TMEM217B: variants seen among roughly 807,000 people sequenced by gnomAD.
TMEM217B encodes the protein transmembrane protein 217B, also known as putative transmembrane protein 217B.
chr6:37,213,619 T>G, the TMEM217B span, among the ~76,000 whole-genome samples: 3 of 152,190 alleles, frequency 2.0e-5, no homozygotes, highest in Admixed American at 2.0e-4. Flanking sequence ...ATTGTGCAGG[T>G]GAAGGCCCAG....
chr6:37,257,789 C>G, the TMEM217B span: 1 of 1,008,600 alleles, frequency 9.9e-7, no homozygotes, highest in Non-Finnish European at 1.5e-6. Flanking sequence ...AGATGGCGTC[C>G]CCAGGAGCTG....
At chr6:37,222,792 C>G in the TMEM217B span, among the ~76,000 whole-genome samples, 2 of 152,222 alleles carry the variant, frequency 1.3e-5, no homozygotes, top group Admixed American at 6.5e-5. Flanking sequence ...CAGTAGCACC[C>G]GGTGAGTTCC....
chr6:37,218,196 G>A, the TMEM217B span: 1 of 1,251,536 alleles, frequency 8.0e-7, no homozygotes, highest in Non-Finnish European at 1.0e-6. Flanking sequence ...GGGGGACAGA[G>A]TCTTACTCTG....
chr6:37,254,174 G>A, the TMEM217B span, among the ~76,000 whole-genome samples: 1 of 152,148 alleles, frequency 6.6e-6, no homozygotes, highest in Non-Finnish European at 1.5e-5. Context: ...TGAGTTGTAG[G>A]CTCCACCTCA....
At chr6:37,257,369 G>A in the TMEM217B span, among the ~76,000 whole-genome samples, 1 of 152,158 alleles carries the variant, frequency 6.6e-6, no homozygotes, top group South Asian at 2.1e-4. Context: ...GGAAAGGAGG[G>A]TAATAACCAG....
chr6:37,250,721 G>A, the TMEM217B span, among the ~76,000 whole-genome samples: 1 of 152,240 alleles, frequency 6.6e-6, no homozygotes, highest in Admixed American at 6.5e-5. Context: ...ACACGTGTAT[G>A]TATGTGTAAG....
chr6:37,225,009 T>TAA, the TMEM217B span, among the ~76,000 whole-genome samples: 3 of 132,228 alleles, frequency 2.3e-5, no homozygotes, highest in African/African-American at 8.2e-5. Context: ...CCCATCTCTA[T>TAA]AAAAAAAAAA....
At chr6:37,255,219 G>A in the TMEM217B span, among the ~76,000 whole-genome samples, 1 of 152,162 alleles carries the variant, frequency 6.6e-6, no homozygotes, top group Non-Finnish European at 1.5e-5. Context: ...CAATGGGCAT[G>A]GCTGCAGCAG....
At chr6:37,252,038 C>T in the TMEM217B span, among the ~76,000 whole-genome samples, 2 of 152,268 alleles carry the variant, frequency 1.3e-5, no homozygotes, top group South Asian at 4.1e-4. Context: ...GGATTACAGG[C>T]ATGCGCCACC....
chr6:37,215,069 C>T, the TMEM217B span: 1 of 1,238,108 alleles, frequency 8.1e-7, no homozygotes, highest in African/African-American at 1.5e-5. Context: ...ACTGGTTCCA[C>T]AGCTCTGCTG....
the TMEM217B span, among the ~76,000 whole-genome samples, chr6:37,252,617 G>GTATATATATA: frequency 8.9e-6 from 1 of 112,304 alleles, no homozygotes; most frequent in Non-Finnish European, 1.9e-5. Context: ...GTATGTGTGT[G>GTATATATATA]TATATATATA....
At chr6:37,247,191 C>T in the TMEM217B span, among the ~76,000 whole-genome samples, 1 of 152,132 alleles carries the variant, frequency 6.6e-6, no homozygotes, top group Non-Finnish European at 1.5e-5. Context: ...TGTCCCTGCA[C>T]ACCATTCCTT....
At chr6:37,248,968 A>G in the TMEM217B span, among the ~76,000 whole-genome samples, 1 of 152,200 alleles carries the variant, frequency 6.6e-6, no homozygotes, top group Non-Finnish European at 1.5e-5. Context: ...TGGTGGCTCC[A>G]GGTATTCCTT....
At chr6:37,222,048 C>G in the TMEM217B span, among the ~76,000 whole-genome samples, 1 of 152,194 alleles carries the variant, frequency 6.6e-6, no homozygotes, top group Admixed American at 6.5e-5. Flanking sequence ...TGCAGCTGGT[C>G]GTCCTATCAT....
chr6:37,257,478 T>A, the TMEM217B span: 4,968 of 170,944 alleles, frequency 0.029, 258 homozygotes, highest in African/African-American at 0.11. Context: ...CATAGTATGT[T>A]CTCTCTTGCC....
chr6:37,243,240 C>T, the TMEM217B span, among the ~76,000 whole-genome samples: 3 of 152,196 alleles, frequency 2.0e-5, no homozygotes, highest in South Asian at 4.1e-4. Flanking sequence ...CCCCTTCTTC[C>T]ACTCTGAAAC....
chr6:37,246,897 T>A, the TMEM217B span, among the ~76,000 whole-genome samples: 2 of 68,446 alleles, frequency 2.9e-5, no homozygotes, highest in Non-Finnish European at 6.4e-5. Context: ...AGCAAGACTC[T>A]GTCTCAAAAA....
chr6:37,227,836 C>T, the TMEM217B span, among the ~76,000 whole-genome samples: 13 of 151,450 alleles, frequency 8.6e-5, no homozygotes, highest in African/African-American at 3.2e-4. Context: ...TTTTAATTTG[C>T]AAAATTAAAG....
the TMEM217B span, among the ~76,000 whole-genome samples, chr6:37,252,368 G>T: frequency 2.5e-4 from 38 of 152,094 alleles, no homozygotes; most frequent in African/African-American, 8.7e-4. Flanking sequence ...ATGAATAGCT[G>T]CAAGAGAGAC....
Sources: gnomAD v4.1 joint callset for allele counts (sites outside exome capture counted in the v4.1 genomes callset) on GRCh38, gnomAD v4.1.1 for gene constraint, MANE v1.5 for transcripts, NCBI Gene and HGNC (gene_info 2026-07-23, HGNC 2026-07-21) for gene names.